FAM110B: variants seen among roughly 807,000 people sequenced by gnomAD.
FAM110B encodes family with sequence similarity 110 member B.
In FAM110B, 6 loss-of-function variants were observed where a neutral mutation model predicts 20.4. The ratio of observed to expected loss-of-function variants is 0.29; its 90% CI spans 0.16 to 0.58. The LOEUF (loss-of-function observed/expected upper bound fraction) is 0.58, where lower values mean the gene tolerates loss of function less well. FAM110B is among the 20% of genes least tolerant of loss of function. The pLI, the probability that FAM110B is intolerant of heterozygous loss-of-function variation, is 0.90. For synonymous variants in FAM110B, 226 were observed against 214.1 expected, an observed-to-expected ratio of 1.06 and a Z score of -0.49; for missense variants, 434 against 498.2, an observed-to-expected ratio of 0.87 and a Z score of 1.23.
chr8:58,052,334 A>G (rs1214563079), intron 2 of FAM110B, among the ~76,000 whole-genome samples: 1 of 152,222 alleles, frequency 6.6e-6, no homozygotes, highest in Non-Finnish European at 1.5e-5. Flanking sequence ...ATGCAATGAC[A>G]GTAGAAACAG....
Position 58,009,028 on chromosome 8 carries a change from C to T in FAM110B, c.-512+14222C>T, listed in dbSNP as rs1044950714. ...TGCTCTCTCTGCCTCTGAATAAAGA[C>T]AAGAGAAGAAACAACCCCATCTTTA... On this transcript the variant is annotated intron_variant, in intron 1 of 3. Coordinates refer to ENST00000519262, the MANE Select transcript of FAM110B (RefSeq NM_001377989.1). 6.6e-5 allele frequency among the ~76,000 whole-genome samples: 10 copies of T among 152,180 alleles called. 1 individual carries two copies. Among genetic ancestry groups the T allele is most frequent in the Non-Finnish European group, 1.5e-4 (10 of 68,040 alleles).
intron 3 of FAM110B, among the ~76,000 whole-genome samples, chr8:58,098,019 G>A (rs1262194068): frequency 6.6e-6 from 1 of 152,236 alleles, no homozygotes; most frequent in Non-Finnish European, 1.5e-5. Flanking sequence ...AGGCACGGGG[G>A]TCAGGGACCC....
intron 2 of FAM110B, among the ~76,000 whole-genome samples, chr8:58,045,521 A>G (rs1292414400): frequency 6.6e-6 from 1 of 152,128 alleles, no homozygotes; most frequent in African/African-American, 2.4e-5. Context: ...ATGTCTTCTA[A>G]TGACTTGGAC....
chr8:58,075,089 T>A (rs76111482), intron 2 of FAM110B, among the ~76,000 whole-genome samples: 3 of 152,002 alleles, frequency 2.0e-5, no homozygotes, highest in Non-Finnish European at 4.4e-5. Context: ...CTTTTTTTTT[T>A]AATATATTGA....
chr8:58,073,652 T>G (rs947372795), intron 2 of FAM110B, among the ~76,000 whole-genome samples: 1 of 152,192 alleles, frequency 6.6e-6, no homozygotes, highest in Non-Finnish European at 1.5e-5. Flanking sequence ...CACCAAACAC[T>G]TTGATTGCTA....
At chr8:58,058,874 A>C (rs1805600307) in intron 2 of FAM110B, among the ~76,000 whole-genome samples, 1 of 152,190 alleles carries the variant, frequency 6.6e-6, no homozygotes, top group Non-Finnish European at 1.5e-5. Flanking sequence ...AATTCTAACA[A>C]ATATATACAC....
At chr8:58,033,991 C>A (rs1156671054) in intron 2 of FAM110B, among the ~76,000 whole-genome samples, 1 of 152,162 alleles carries the variant, frequency 6.6e-6, no homozygotes, top group Admixed American at 6.5e-5. Context: ...CCTCCCATCA[C>A]TGGATGCCCA....
At chr8:58,111,897 TA>T (rs1204006884) in intron 3 of FAM110B, among the ~76,000 whole-genome samples, 1 of 152,218 alleles carries the variant, frequency 6.6e-6, no homozygotes, top group Non-Finnish European at 1.5e-5. Context: ...ATAAGTGAAG[TA>T]AATTCACCCA....
At chr8:58,075,275 T>TTGTGTGTGTGTGTGTGTGTG (rs60073899) in intron 2 of FAM110B, among the ~76,000 whole-genome samples, 20 of 141,726 alleles carry the variant, frequency 1.4e-4, no homozygotes, top group African/African-American at 4.8e-4. Flanking sequence ...TTTTTTTTTT[T>TTGTGTGTGTGTGTGTGTGTG]TGTGTGTGTG....
intron 1 of FAM110B, among the ~76,000 whole-genome samples, chr8:58,022,839 G>A (rs1248157849): frequency 6.6e-6 from 1 of 152,198 alleles, no homozygotes; most frequent in Admixed American, 6.5e-5. Flanking sequence ...AGACAAGAAA[G>A]CCCAAACCCA....
intron 2 of FAM110B, among the ~76,000 whole-genome samples, chr8:58,073,871 A>C (rs1219121862): frequency 6.6e-6 from 1 of 152,212 alleles, no homozygotes; most frequent in East Asian, 1.9e-4. Flanking sequence ...ATTGGATTTA[A>C]ATTTTAACTC....
intron 3 of FAM110B, among the ~76,000 whole-genome samples, chr8:58,135,266 C>T (rs1251779635): frequency 2.0e-5 from 3 of 152,106 alleles, no homozygotes; most frequent in Non-Finnish European, 4.4e-5. Flanking sequence ...GTGTGAAAGG[C>T]ATTATTACAG....
chr8:58,079,539 G>T (rs1004715095), intron 3 of FAM110B, among the ~76,000 whole-genome samples: 2 of 152,172 alleles, frequency 1.3e-5, no homozygotes, highest in Non-Finnish European at 2.9e-5. Context: ...CACTTTTGGA[G>T]GCTGAGTTAG....
chr8:58,006,810 C>A (rs147206932), intron 1 of FAM110B, among the ~76,000 whole-genome samples: 3 of 150,266 alleles, frequency 2.0e-5, no homozygotes, highest in African/African-American at 7.3e-5. Flanking sequence ...TGCATCTCTA[C>A]GTTTTGAACT....
chr8:58,019,230 C>T (rs1473799947), intron 1 of FAM110B, among the ~76,000 whole-genome samples: 3 of 148,828 alleles, frequency 2.0e-5, no homozygotes, highest in South Asian at 2.1e-4. Context: ...TCCAGCTACT[C>T]GGGAGGCTGA....
At chr8:57,997,959 G>A (rs1804217618) in intron 1 of FAM110B, among the ~76,000 whole-genome samples, 1 of 152,182 alleles carries the variant, frequency 6.6e-6, no homozygotes, top group Non-Finnish European at 1.5e-5. Context: ...AGGTGTGTGT[G>A]TCTCCAGACC....
intron 3 of FAM110B, among the ~76,000 whole-genome samples, chr8:58,126,365 T>A (rs765892370): frequency 6.6e-6 from 1 of 152,200 alleles, no homozygotes; most frequent in Non-Finnish European, 1.5e-5. Flanking sequence ...AACAACTGTG[T>A]ATAGTTTTTG....
In FAM110B at chr8:58,148,626, A is replaced by G. The variant is rs1803926752; in HGVS notation, c.*1283A>G. Reference sequence around the variant, plus strand: ...AGTGGTTTGCCTCATTGCCTTTGCCACATCTGAAGTTCTCAGCAGCACTAC... The same window carrying G: ...AGTGGTTTGCCTCATTGCCTTTGCCGCATCTGAAGTTCTCAGCAGCACTAC... On this transcript the variant is annotated 3_prime_UTR_variant, in exon 4 of 4. Coordinates refer to ENST00000519262, the MANE Select transcript of FAM110B (RefSeq NM_001377989.1). 6.0e-6 allele frequency: 1 copy of G among 167,128 alleles called. No homozygotes were observed. Among genetic ancestry groups the G allele is most frequent in the Non-Finnish European group, 1.5e-5 (1 of 68,122 alleles). 10.4% of individuals were successfully genotyped at this position (167,128 alleles called of 1,614,324 possible). A position where few individuals can be genotyped will look rare whatever the true frequency, so the allele number is the denominator to read the frequency against.
intron 3 of FAM110B, among the ~76,000 whole-genome samples, chr8:58,089,641 C>T (rs1193065419): frequency 6.6e-6 from 1 of 152,126 alleles, no homozygotes; most frequent in African/African-American, 2.4e-5. Flanking sequence ...TGTAAACACT[C>T]CAACTTCATA....
Sources: allele counts gnomAD v4.1 joint callset (sites outside exome capture counted in the v4.1 genomes callset), GRCh38; gene constraint gnomAD v4.1.1; transcripts MANE v1.5; gene names NCBI Gene and HGNC (gene_info 2026-07-23, HGNC 2026-07-21).